Variants in OR5L1 observed in about 807,000 individuals in gnomAD.
OR5L1 encodes olfactory receptor family 5 subfamily L member 1.
For synonymous variants in OR5L1, 197 were observed against 146.6 expected (o/e 1.34, Z -2.49); for missense variants, 398 against 365.8 (o/e 1.09, Z -0.72).
At position 55,811,662 on chromosome 11, in the gene OR5L1, T is replaced by C; in HGVS notation, c.196T>C (p.Leu66=). 1.2e-6 allele frequency: 2 copies of C among 1,614,036 alleles called. No individual in the cohort carries two copies. Among genetic ancestry groups the C allele is most frequent in the South Asian group, 2.2e-5 (2 of 91,080 alleles). The change falls in exon 1 of 1, where the codon TTG becomes CTG. Residue 66 remains leucine, a synonymous_variant. Transcript: ENST00000625203. ...CCCCATGTACTTTTTCCTCAGCCACTTGTCCTCTGTAGATTTCTGCTACTC... is the reference window on the plus strand; with the variant it reads ...CCCCATGTACTTTTTCCTCAGCCACCTGTCCTCTGTAGATTTCTGCTACTC... The part of the protein sequence containing the change: ...HTPMYFFLSH[L]SSVDFCYSSI...
Position 55,811,895 on chromosome 11 carries a change from G to A in OR5L1, c.429G>A (p.Glu143=). Residue 143 remains glutamate, a synonymous_variant, in exon 1 of 1, where the codon GAG becomes GAA. Transcript: ENST00000625203. The part of the protein sequence containing the change: ...TVTMSWKVRV[E]LASCCYFCGT... ...CCATGTCTTGGAAGGTGCGTGTGGA[G>A]CTGGCTTCTTGCTGCTACTTCTGTG... is the stretch of plus-strand genomic sequence containing the variant. The A allele has an allele frequency of 6.2e-7, 1 of 1,613,988 alleles. No homozygotes were observed. The highest frequency in any genetic ancestry group is 8.5e-7 in the Non-Finnish European group (1 of 1,180,024).
rs1340016068 is a variant in OR5L1 at position 55,812,474 on chromosome 11, T to C, written c.*72T>C. ...GGGGGTTCACGGGAGAGGCACAGTG[T>C]TGGAGTACAGAGAAGAAGGAGCTCA... is the stretch of plus-strand genomic sequence containing the variant. On this transcript the variant is annotated 3_prime_UTR_variant, in exon 1 of 1. Coordinates refer to ENST00000625203, the MANE Select transcript of OR5L1 (RefSeq NM_001004738.2). The C allele has an allele frequency of 9.7e-7, 1 of 1,034,354 alleles. No homozygotes were observed. Among genetic ancestry groups the C allele is most frequent in the African/African-American group, 1.6e-5 (1 of 61,710 alleles). 64.1% of individuals were successfully genotyped at this position (1,034,354 alleles called of 1,614,324 possible).
In OR5L1 at chr11:55,812,426, A is replaced by G; in HGVS notation, c.*24A>G. 1.3e-6 allele frequency: 2 copies of G among 1,547,044 alleles called. No individual in the cohort carries two copies. The highest frequency in any genetic ancestry group is 1.8e-6 in the Non-Finnish European group (2 of 1,135,076). On this transcript the variant is annotated 3_prime_UTR_variant, in exon 1 of 1. Transcript: ENST00000625203. ...AGGGAAGATTTTATTAGCACAATTC[A>G]GGATTCCCAAGTAGTGGCAGGCGGG...
rs1434944399 is a variant in OR5L1, at chr11:55,812,205, G to A, written c.739G>A (p.Ala247Thr). The change falls in exon 1 of 1, where the codon GCT becomes ACT. Residue 247 changes from alanine (A) to threonine (T), a missense_variant. Coordinates refer to ENST00000625203, the MANE Select transcript of OR5L1 (RefSeq NM_001004738.2). ...CTCCACCTGTGCTTCCCACCTCACA[G>A]CTATCACTGTCTTCCATGGAACAGT... ...AFSTCASHLT[A>T]ITVFHGTVLS... is the part of the protein sequence containing the mutation. 3.7e-6 allele frequency: 6 copies of A among 1,613,914 alleles called. No homozygotes were observed. The East Asian group carries it at 8.9e-5, about 24-fold the overall frequency.
At position 55,812,449 on chromosome 11, in the gene OR5L1, G is replaced by T; in HGVS notation, c.*47G>T. On this transcript the variant is annotated 3_prime_UTR_variant, in exon 1 of 1. Transcript: ENST00000625203. ...TCAGGATTCCCAAGTAGTGGCAGGC[G>T]GGGGTTCACGGGAGAGGCACAGTGT... The T allele has an allele frequency of 7.4e-7, 1 of 1,345,114 alleles. No homozygotes were observed. Among genetic ancestry groups the T allele is most frequent in the Non-Finnish European group, 1.0e-6 (1 of 960,910 alleles). 83.3% of individuals were successfully genotyped at this position (1,345,114 alleles called of 1,614,324 possible).
rs944712118 is a variant in OR5L1, at chr11:55,811,395, C to T, written c.-72C>T. Reference sequence around the variant, plus strand: ...GTCTTTTTACAGGATACAGCCAAAACTAAAATTTAGACTATATAATGGAGA... The same window carrying T: ...GTCTTTTTACAGGATACAGCCAAAATTAAAATTTAGACTATATAATGGAGA... On this transcript the variant is annotated 5_prime_UTR_variant, in exon 1 of 1. Coordinates refer to ENST00000625203, the MANE Select transcript of OR5L1 (RefSeq NM_001004738.2). 2.0e-6 allele frequency: 3 copies of T among 1,480,530 alleles called. No homozygotes were observed. Among genetic ancestry groups the T allele is most frequent in the African/African-American group, 2.8e-5 (2 of 70,654 alleles). 91.7% of individuals were successfully genotyped at this position (1,480,530 alleles called of 1,614,324 possible).
rs758248920 is a variant in OR5L1 at position 55,811,994 on chromosome 11, C to CT, written c.533dup (p.Cys179LeufsTer2). The CT allele has an allele frequency of 2.5e-6, 4 of 1,613,862 alleles. 1 individual carries two copies. The Admixed American group carries it at 5.0e-5, about 20-fold the overall frequency. On this transcript the variant is annotated frameshift_variant, in exon 1 of 1. Transcript: ENST00000625203. LOFTEE classifies it low-confidence loss of function (END_TRUNC). ...TCTATAGATCTAATGTGATTAACCACTTTTTCTGTGATCTACCTCCTGTCT... is the reference window on the plus strand; with the variant it reads ...TCTATAGATCTAATGTGATTAACCACTTTTTTCTGTGATCTACCTCCTGTCT...
rs1363294712 is a variant in OR5L1, at chr11:55,811,638, C to A, written c.172C>A (p.Pro58Thr). The change falls in exon 1 of 1, where the codon CCC becomes ACC. Residue 58 changes from proline to threonine, a missense_variant. Transcript: ENST00000625203. ...TCAGGTCAGCTCTCGGCTCCACACC[C>A]CCATGTACTTTTTCCTCAGCCACTT... Reference protein sequence around the residue: ...LIQVSSRLHTPMYFFLSHLSS... With the variant: ...LIQVSSRLHTTMYFFLSHLSS... 2 of 1,613,858 alleles carry A rather than the reference C, an allele frequency of 1.2e-6. No individual in the cohort carries two copies. The highest frequency in any genetic ancestry group is 1.7e-6 in the Non-Finnish European group (2 of 1,180,028).
In OR5L1 at chr11:55,812,011, C is replaced by G; in HGVS notation, c.545C>G (p.Pro182Arg). The G allele has an allele frequency of 1.9e-6, 3 of 1,613,878 alleles. No homozygotes were observed. The highest frequency in any genetic ancestry group is 2.5e-6 in the Non-Finnish European group (3 of 1,179,998). ...ATTAACCACTTTTTCTGTGATCTAC[C>G]TCCTGTCTTAAGTCTTGCTTGCTCT... ...NVINHFFCDL[P>R]PVLSLACSDI... The change falls in exon 1 of 1, where the codon CCT (proline) becomes CGT (arginine). Residue 182 changes from proline (P) to arginine (R), a missense_variant. Coordinates refer to ENST00000625203, the MANE Select transcript of OR5L1 (RefSeq NM_001004738.2).
Position 55,811,811 on chromosome 11 carries a change from G to A in OR5L1, c.345G>A (p.Leu115=), listed in dbSNP as rs146638846. 2.4e-5 allele frequency: 39 copies of A among 1,613,894 alleles called. No individual in the cohort carries two copies. In the African/African-American group the frequency reaches 4.7e-4, roughly 19 times the overall value. Residue 115 remains leucine (L), a synonymous_variant, in exon 1 of 1, where the codon CTG becomes CTA. Transcript: ENST00000625203. ...CTCVVTEVFL[L]AVMAYDRFVA... is the part of the protein sequence containing the mutation. ...GTGTGGTCACTGAGGTCTTCCTGCT[G>A]GCCGTGATGGCCTATGACCGCTTTG...
Position 55,811,401 on chromosome 11 carries a change from T to A in OR5L1, c.-66T>A, listed in dbSNP as rs1853684525. ...TTACAGGATACAGCCAAAACTAAAA[T>A]TTAGACTATATAATGGAGAATAATT... On this transcript the variant is annotated 5_prime_UTR_variant, in exon 1 of 1. Transcript: ENST00000625203. The A allele has an allele frequency of 3.3e-6, 5 of 1,499,408 alleles. No individual in the cohort carries two copies. The highest frequency in any genetic ancestry group is 4.5e-6 in the Non-Finnish European group (5 of 1,121,470). 92.9% of individuals were successfully genotyped at this position (1,499,408 alleles called of 1,614,324 possible). A position where few individuals can be genotyped will look rare whatever the true frequency, so the allele number is the denominator to read the frequency against.
Position 55,812,383 on chromosome 11 carries a change from G to C in OR5L1, c.917G>C (p.Gly306Ala). 1.9e-6 allele frequency: 3 copies of C among 1,607,182 alleles called. No individual in the cohort carries two copies. Among genetic ancestry groups the C allele is most frequent in the Non-Finnish European group, 2.5e-6 (3 of 1,176,628 alleles). Reference protein sequence around the residue: ...DVKEALRKVMGSKIHS With the variant: ...DVKEALRKVMASKIHS ...AAAGAAGCTCTCAGAAAAGTGATGG[G>C]CTCCAAAATTCACTCCTAGGGAAGA... is the stretch of plus-strand genomic sequence containing the variant. The change falls in exon 1 of 1, where the codon GGC (glycine) becomes GCC (alanine). Residue 306 changes from glycine to alanine, a missense_variant. Gly to Ala is a moderately conservative substitution (Grantham distance 60). Coordinates refer to ENST00000625203, the MANE Select transcript of OR5L1 (RefSeq NM_001004738.2).
Position 55,811,842 on chromosome 11 carries a change from A to T in OR5L1, c.376A>T (p.Ile126Phe). 2 of 1,613,966 alleles carry T rather than the reference A, an allele frequency of 1.2e-6. No homozygotes were observed. Among genetic ancestry groups the T allele is most frequent in the South Asian group, 2.2e-5 (2 of 91,076 alleles). ...GATGGCCTATGACCGCTTTGTGGCC[A>T]TCTGTAACCCTTTGCTATACACAGT... ...AVMAYDRFVA[I>F]CNPLLYTVTM... The change falls in exon 1 of 1, where the codon ATC becomes TTC. Residue 126 changes from isoleucine (I) to phenylalanine (F), a missense_variant. Physicochemically the swap from Ile to Phe is conservative, Grantham distance 21. Coordinates refer to ENST00000625203, the MANE Select transcript of OR5L1 (RefSeq NM_001004738.2).
rs748230944 is a variant in OR5L1 at position 55,812,121 on chromosome 11, C to G, written c.655C>G (p.Leu219Val). 3 of 1,613,880 alleles carry G rather than the reference C, an allele frequency of 1.9e-6. No individual in the cohort carries two copies. The South Asian group carries it at 3.3e-5, about 18-fold the overall frequency. The part of the protein sequence containing the change: ...VTIMIILTSY[L>V]LILTTILKMG... ...CATCATGATCATCCTCACCTCCTAC[C>G]TGCTAATTCTCACCACCATCCTGAA... The change falls in exon 1 of 1, where the codon CTG (leucine) becomes GTG (valine). Residue 219 changes from leucine to valine, a missense_variant. Coordinates refer to ENST00000625203, the MANE Select transcript of OR5L1 (RefSeq NM_001004738.2).
Position 55,811,612 on chromosome 11 carries a change from T to A in OR5L1, c.146T>A (p.Ile49Asn). 1 of 1,613,982 alleles carries A rather than the reference T, an allele frequency of 6.2e-7. No individual in the cohort carries two copies. Among genetic ancestry groups the A allele is most frequent in the Admixed American group, 1.7e-5 (1 of 59,990 alleles). ...GCCAACCTGGGCATGATTGCACTGA[T>A]TCAGGTCAGCTCTCGGCTCCACACC... ...LLANLGMIAL[I>N]QVSSRLHTPM... The change falls in exon 1 of 1, where the codon ATT becomes AAT. Residue 49 changes from isoleucine to asparagine, a missense_variant. By Grantham distance (149) the Ile-to-Asn change is moderately radical. Coordinates refer to ENST00000625203, the MANE Select transcript of OR5L1 (RefSeq NM_001004738.2).
At position 55,812,336 on chromosome 11, in the gene OR5L1, C is replaced by T. The variant is rs1853711367; in HGVS notation, c.870C>T (p.Tyr290=). The T allele has an allele frequency of 1.2e-6, 2 of 1,613,742 alleles. No individual in the cohort carries two copies. The highest frequency in any genetic ancestry group is 1.7e-6 in the Non-Finnish European group (2 of 1,179,970). Reference sequence around the variant, plus strand: ...TTCCTATGCTGAACTCTGTGATCTACAGCCTGAGAAATAAAGATGTGAAAG... The same window carrying T: ...TTCCTATGCTGAACTCTGTGATCTATAGCCTGAGAAATAAAGATGTGAAAG... ...VVIPMLNSVI[Y]SLRNKDVKEA... is the part of the protein sequence containing the mutation. Residue 290 remains tyrosine, a synonymous_variant, in exon 1 of 1, where the codon TAC becomes TAT. Transcript: ENST00000625203.
Position 55,811,887 on chromosome 11 carries a change from CG to C in OR5L1, c.422del (p.Arg141LeufsTer17). ...LYTVTMSWKV[R>X]VELASCCYFC... Reference sequence around the variant, plus strand: ...CACAGTCACCATGTCTTGGAAGGTGCGTGTGGAGCTGGCTTCTTGCTGCTAC... The same window carrying C: ...CACAGTCACCATGTCTTGGAAGGTGCTGTGGAGCTGGCTTCTTGCTGCTAC... On this transcript the variant is annotated frameshift_variant, in exon 1 of 1. Transcript: ENST00000625203. LOFTEE classifies it low-confidence loss of function (END_TRUNC). 6.2e-7 allele frequency: 1 copy of C among 1,613,950 alleles called. No homozygotes were observed. Among genetic ancestry groups the C allele is most frequent in the Non-Finnish European group, 8.5e-7 (1 of 1,180,020 alleles).
rs1853684093 is a variant in OR5L1, at chr11:55,811,376, TTACAGGA to T, written c.-85_-79del. ...CTATCCTACTTTTTCTGGTGTCTTT[TTACAGGA>T]TACAGCCAAAACTAAAATTTAGACT... is the stretch of plus-strand genomic sequence containing the variant. On this transcript the variant is annotated 5_prime_UTR_variant, in exon 1 of 1. Transcript: ENST00000625203. The T allele has an allele frequency of 2.2e-6, 3 of 1,365,868 alleles. No homozygotes were observed. In the East Asian group the frequency reaches 6.9e-5, roughly 32 times the overall value. The allele number at this position is 1,365,868 out of a possible 1,614,324, so 84.6% of individuals were successfully genotyped here.
rs201075284 is a variant in OR5L1 at position 55,811,529 on chromosome 11, T to C, written c.63T>C (p.Pro21=). Reference sequence around the variant, plus strand: ...TTCTCCTTGGACTATCAGATGTCCCTGAGTTGAGAGTCTGCCTCTTCCTGC... The same window carrying C: ...TTCTCCTTGGACTATCAGATGTCCCCGAGTTGAGAGTCTGCCTCTTCCTGC... The part of the protein sequence containing the change: ...EFILLGLSDV[P]ELRVCLFLLF... The change falls in exon 1 of 1, where the codon CCT becomes CCC. Residue 21 remains proline (P), a synonymous_variant. Transcript: ENST00000625203. The C allele has an allele frequency of 1.9e-6, 3 of 1,613,932 alleles. No homozygotes were observed. The highest frequency in any genetic ancestry group is 2.2e-5 in the South Asian group (2 of 91,086).
Sources: allele counts gnomAD v4.1 joint callset, GRCh38; gene constraint gnomAD v4.1.1; transcripts MANE v1.5; gene names NCBI Gene and HGNC (gene_info 2026-07-23, HGNC 2026-07-21).